ARB2A: variants seen among roughly 807,000 people sequenced by gnomAD.
The protein encoded by ARB2A is ARB2 cotranscriptional regulator A, also known as cotranscriptional regulator ARB2A.
At chr5:93,752,212 T>C in the ARB2A span, among the ~76,000 whole-genome samples, 1 of 152,136 alleles carries the variant, frequency 6.6e-6, no homozygotes, top group Non-Finnish European at 1.5e-5. Flanking sequence ...ACTTAACATA[T>C]GATAAAAGGG....
At chr5:93,799,998 A>G in the ARB2A span, among the ~76,000 whole-genome samples, 221 of 152,254 alleles carry the variant, frequency 1.5e-3, 1 homozygote, top group African/African-American at 4.9e-3. Context: ...ATGTTATTCA[A>G]TAAGCACTAT....
At chr5:94,106,791 C>G in the ARB2A span, among the ~76,000 whole-genome samples, 6 of 144,482 alleles carry the variant, frequency 4.2e-5, no homozygotes, top group Non-Finnish European at 1.5e-5. Context: ...GAACACCACA[C>G]AGCCATAAAA....
the ARB2A span, among the ~76,000 whole-genome samples, chr5:93,995,210 C>T: frequency 1.3e-5 from 2 of 152,130 alleles, no homozygotes; most frequent in East Asian, 1.9e-4. Flanking sequence ...AGTAAGCTCA[C>T]GTGTTGTGAG....
At chr5:93,899,934 T>C in the ARB2A span, among the ~76,000 whole-genome samples, 1 of 152,186 alleles carries the variant, frequency 6.6e-6, no homozygotes, top group Non-Finnish European at 1.5e-5. Flanking sequence ...GTTGTTTAGA[T>C]ACACTAATTG....
At chr5:93,695,590 G>A in the ARB2A span, among the ~76,000 whole-genome samples, 1 of 152,136 alleles carries the variant, frequency 6.6e-6, no homozygotes, top group African/African-American at 2.4e-5. Flanking sequence ...GTTGGTGGGA[G>A]TGTAAATTAG....
At chr5:93,798,673 G>A in the ARB2A span, among the ~76,000 whole-genome samples, 4 of 152,096 alleles carry the variant, frequency 2.6e-5, no homozygotes, top group African/African-American at 9.7e-5. Flanking sequence ...GTATGGATGA[G>A]AAAACAGATA....
the ARB2A span, among the ~76,000 whole-genome samples, chr5:93,844,214 C>T: frequency 5.3e-5 from 8 of 151,936 alleles, no homozygotes; most frequent in African/African-American, 1.4e-4. Context: ...GAGGCCCAGG[C>T]GAGTGGACTG....
At chr5:93,749,483 A>G in the ARB2A span, among the ~76,000 whole-genome samples, 1 of 152,210 alleles carries the variant, frequency 6.6e-6, no homozygotes, top group African/African-American at 2.4e-5. Flanking sequence ...AAAACTATGC[A>G]AAGTGAAGAA....
the ARB2A span, among the ~76,000 whole-genome samples, chr5:93,637,139 A>C: frequency 6.6e-6 from 1 of 152,132 alleles, no homozygotes; most frequent in Non-Finnish European, 1.5e-5. Flanking sequence ...CTACAATTTT[A>C]TCATTTCCAG....
At chr5:93,982,170 A>G in the ARB2A span, among the ~76,000 whole-genome samples, 5 of 152,022 alleles carry the variant, frequency 3.3e-5, no homozygotes, top group Admixed American at 2.0e-4. Flanking sequence ...AGGAAGGCAG[A>G]AAAAAAATCA....
At chr5:93,787,205 C>T in the ARB2A span, among the ~76,000 whole-genome samples, 1 of 152,052 alleles carries the variant, frequency 6.6e-6, no homozygotes, top group Non-Finnish European at 1.5e-5. Context: ...TAAATGTCTC[C>T]ATATATTCTT....
At chr5:94,064,450 C>A in the ARB2A span, among the ~76,000 whole-genome samples, 1 of 152,170 alleles carries the variant, frequency 6.6e-6, no homozygotes, top group South Asian at 2.1e-4. Context: ...AAAAAACTTT[C>A]AACGTCTAGA....
chr5:93,713,916 G>A, the ARB2A span, among the ~76,000 whole-genome samples: 2 of 152,170 alleles, frequency 1.3e-5, no homozygotes, highest in Non-Finnish European at 2.9e-5. Flanking sequence ...TCCCCATGGT[G>A]AGCCCTGAAT....
chr5:93,879,037 G>C, the ARB2A span, among the ~76,000 whole-genome samples: 14 of 152,180 alleles, frequency 9.2e-5, no homozygotes, highest in Non-Finnish European at 1.8e-4. Flanking sequence ...ATTTCAAATT[G>C]TAAATTGGTA....
the ARB2A span, among the ~76,000 whole-genome samples, chr5:93,894,220 T>C: frequency 3.9e-5 from 6 of 152,258 alleles, no homozygotes; most frequent in African/African-American, 1.4e-4. Flanking sequence ...TCTTTATGAA[T>C]ACAATTACAA....
the ARB2A span, among the ~76,000 whole-genome samples, chr5:94,025,394 T>C: frequency 6.6e-6 from 1 of 152,206 alleles, no homozygotes; most frequent in Non-Finnish European, 1.5e-5. Flanking sequence ...TCTCTTCTCC[T>C]TCTTGTAAGG....
chr5:94,093,656 T>A, the ARB2A span, among the ~76,000 whole-genome samples: 1 of 152,184 alleles, frequency 6.6e-6, no homozygotes, highest in Admixed American at 6.5e-5. Flanking sequence ...AAAATTCATG[T>A]CCTTATCACA....
chr5:93,877,905 A>C, the ARB2A span, among the ~76,000 whole-genome samples: 1 of 152,184 alleles, frequency 6.6e-6, no homozygotes, highest in Admixed American at 6.5e-5. Context: ...CTGTACTCTT[A>C]AGAGCAAATG....
At chr5:93,819,296 A>C in the ARB2A span, among the ~76,000 whole-genome samples, 1 of 152,114 alleles carries the variant, frequency 6.6e-6, no homozygotes, top group African/African-American at 2.4e-5. Context: ...AACTTGGGAT[A>C]AGAGCAGTAT....
Sources: allele counts gnomAD v4.1 joint callset (sites outside exome capture counted in the v4.1 genomes callset), GRCh38; gene constraint gnomAD v4.1.1; transcripts MANE v1.5; gene names NCBI Gene and HGNC (gene_info 2026-07-23, HGNC 2026-07-21).